LARP7: variants seen among roughly 807,000 people sequenced by gnomAD.
LARP7 encodes the protein la-related protein 7.
Under a neutral mutation model 69.3 loss-of-function variants are expected in LARP7, and 52 were observed. That is an observed-to-expected ratio of 0.75 (90% CI 0.60 to 0.95). The LOEUF is 0.95. LARP7 is among the 40% of genes least tolerant of loss of function. LARP7 has a pLI of 0.00. For synonymous variants in LARP7, 254 were observed against 215.9 expected (o/e 1.18, Z -1.55); for missense variants, 733 against 673.0 (o/e 1.09, Z -0.99).
chr4:112,638,406 CTA>C (rs1205645491), intron 1 of LARP7, among the ~76,000 whole-genome samples: 1 of 152,182 alleles, frequency 6.6e-6, no homozygotes, highest in Non-Finnish European at 1.5e-5. Flanking sequence ...TCCAAGTTAT[CTA>C]TGTCTTTCGT....
At chr4:112,647,012 G>C in intron 5 of LARP7, 22 bp from the exon 6 acceptor site, 1 of 1,584,192 alleles carries the variant, frequency 6.3e-7, no homozygotes, top group Non-Finnish European at 8.5e-7. Context: ...TATTAAAATA[G>C]TAACTTTTGC....
chr4:112,646,375 C>A lies in LARP7; in HGVS notation c.227C>A (p.Ser76Tyr). Reference sequence around the variant, plus strand: ...GATGTTGATATATCACTACTTGTGTCTTTTAACAAAATGAAAAAATTGACT... The same window carrying A: ...GATGTTGATATATCACTACTTGTGTATTTTAACAAAATGAAAAAATTGACT... ...DGYVDISLLV[S>Y]FNKMKKLTTD... Residue 76 changes from serine to tyrosine, a missense_variant, in exon 3 of 13, where the codon TCT becomes TAT. Physicochemically the swap from Ser to Tyr is moderately radical, Grantham distance 144. Coordinates refer to ENST00000344442, the MANE Select transcript of LARP7 (RefSeq NM_016648.4). 1.3e-6 allele frequency: 2 copies of A among 1,570,256 alleles called. No individual in the cohort carries two copies. Among genetic ancestry groups the A allele is most frequent in the East Asian group, 2.3e-5 (1 of 44,356 alleles).
chr4:112,648,421 A>AAGGGGATCCCC (rs1412277150), intron 8 of LARP7: 1 of 534,548 alleles, frequency 1.9e-6, no homozygotes, highest in Non-Finnish European at 3.8e-6. Flanking sequence ...CCCCCATGTT[A>AAGGGGATCCCC]AAGCAAAGGG....
At chr4:112,645,041 G>T (rs990657719) in intron 2 of LARP7, among the ~76,000 whole-genome samples, 170 bp downstream of exon 2, 6 of 139,252 alleles carry the variant, frequency 4.3e-5, no homozygotes, top group African/African-American at 1.6e-4. Context: ...CTGCCTCCTG[G>T]GTTCAAGTGA....
chr4:112,638,103 C>G (rs1413015930), intron 1 of LARP7: 1 of 152,306 alleles, frequency 6.6e-6, no homozygotes, highest in Non-Finnish European at 1.5e-5. Flanking sequence ...CGAGACCAGC[C>G]TGGCCAATAT....
intron 2 of LARP7, among the ~76,000 whole-genome samples, chr4:112,646,008 TG>T (rs946431780): frequency 2.0e-5 from 3 of 151,094 alleles, no homozygotes; most frequent in African/African-American, 7.3e-5. Flanking sequence ...TTTTTTTGTT[TG>T]TTTTGTTTGA....
At chr4:112,653,968 A>T in intron 11 of LARP7, 100 bp from the exon 12 acceptor site, 1 of 830,456 alleles carries the variant, frequency 1.2e-6, no homozygotes, top group South Asian at 1.5e-5. Flanking sequence ...ATATAATCAA[A>T]AACTGTCCTA....
rs2048669055 is a variant in LARP7 at position 112,650,409 on chromosome 4, T to C, written c.1295-52T>C. Reference sequence around the variant, plus strand: ...TAAGGTAGTCCTCCTAAGTATTAAATTGTTGTTAAGTGTAAGAGATTTAGT... The same window carrying C: ...TAAGGTAGTCCTCCTAAGTATTAAACTGTTGTTAAGTGTAAGAGATTTAGT... On this transcript the variant is annotated intron_variant, in intron 9 of 12. Transcript: ENST00000344442. 8.2e-6 allele frequency: 13 copies of C among 1,585,750 alleles called. No homozygotes were observed. The South Asian group carries it at 1.5e-4, about 18-fold the overall frequency.
chr4:112,646,910 G>C lies in LARP7; in HGVS notation c.507G>C (p.Ala169=). Residue 169 remains alanine, a synonymous_variant, in exon 5 of 13, where the codon GCG becomes GCC. Coordinates refer to ENST00000344442, the MANE Select transcript of LARP7 (RefSeq NM_016648.4). The stretch of plus-strand genomic sequence containing the variant: ...CTACTGGAGATCCAAAGGGATTTGC[G>C]TTTGTGGAATTTGAAACAAAAGAAC... ...YKSTGDPKGF[A]FVEFETKEQA... 6.2e-7 allele frequency: 1 copy of C among 1,608,726 alleles called. No homozygotes were observed. Among genetic ancestry groups the C allele is most frequent in the Non-Finnish European group, 8.5e-7 (1 of 1,179,004 alleles).
At chr4:112,646,263 C>T (rs537735553) in intron 2 of LARP7, 88 bp from the exon 3 acceptor site, 24 of 642,108 alleles carry the variant, frequency 3.7e-5, no homozygotes, top group South Asian at 6.3e-5. Context: ...AGCCACCGAG[C>T]CTGAGGGCCT....
Position 112,647,374 on chromosome 4 carries a change from GAAA to G in LARP7, c.825_827del (p.Lys278del). 1 of 1,613,890 alleles carries G rather than the reference GAAA, an allele frequency of 6.2e-7. No individual in the cohort carries two copies. The highest frequency in any genetic ancestry group is 1.1e-5 in the South Asian group (1 of 91,074). On this transcript the variant is annotated inframe_deletion, in exon 7 of 13. Transcript: ENST00000344442. Reference sequence around the variant, plus strand: ...CTGAACCCCAAAAGCAGTGCTCAAAGAAAAAGAAAAAACGGGACAGAGTTGAAG... The same window carrying G: ...CTGAACCCCAAAAGCAGTGCTCAAAGAAGAAAAAACGGGACAGAGTTGAAG...
intron 1 of LARP7, chr4:112,644,465 A>G: frequency 3.3e-6 from 4 of 1,196,152 alleles, no homozygotes; most frequent in Non-Finnish European, 3.3e-6. Context: ...AAAGAAACTA[A>G]AGCTATGATC....
In LARP7 at chr4:112,649,650, G is replaced by A. The variant is rs2048611283; in HGVS notation, c.1258G>A (p.Gly420Arg). 3 of 1,606,318 alleles carry A rather than the reference G, an allele frequency of 1.9e-6. No individual in the cohort carries two copies. The highest frequency in any genetic ancestry group is 2.2e-5 in the South Asian group (2 of 90,158). The stretch of plus-strand genomic sequence containing the variant: ...AGAGTCAGAAATGGAAACAGACAGT[G>A]GAGTACCTCAAAACACTGGAATGAA... ...KSESEMETDS[G>R]VPQNTGMKNE... Residue 420 changes from glycine to arginine, a missense_variant, in exon 9 of 13, where the codon GGA becomes AGA. Physicochemically the swap from Gly to Arg is moderately radical, Grantham distance 125. Coordinates refer to ENST00000344442, the MANE Select transcript of LARP7 (RefSeq NM_016648.4).
intron 8 of LARP7, 67 bp downstream of exon 8, chr4:112,647,901 A>G: frequency 8.8e-7 from 1 of 1,134,534 alleles, no homozygotes; most frequent in Non-Finnish European, 1.3e-6. Context: ...GTGCAATTCC[A>G]ATTTATATTC....
Position 112,642,272 on chromosome 4 carries a change from A to G in LARP7, c.-2-2396A>G, listed in dbSNP as rs945832705. ...GAAGAACATGGTTGTGTGGTACTCA[A>G]TGACACCTCATTGTTTTTCTATTAT... On this transcript the variant is annotated intron_variant, in intron 1 of 12. Coordinates refer to ENST00000344442, the MANE Select transcript of LARP7 (RefSeq NM_016648.4). 4.6e-5 allele frequency among the ~76,000 whole-genome samples: 7 copies of G among 152,312 alleles called. No homozygotes were observed. The South Asian group carries it at 8.3e-4, about 18-fold the overall frequency.
intron 1 of LARP7, among the ~76,000 whole-genome samples, chr4:112,640,704 T>A (rs900287276): frequency 2.0e-5 from 3 of 151,886 alleles, no homozygotes; most frequent in Admixed American, 6.6e-5. Flanking sequence ...AATAAATAAT[T>A]AAAAATAAAA....
intron 1 of LARP7, among the ~76,000 whole-genome samples, chr4:112,639,816 T>G (rs571097319): frequency 1.2e-3 from 187 of 152,236 alleles, no homozygotes; most frequent in African/African-American, 4.4e-3. Context: ...AACAAGAGAT[T>G]GGATAGAATA....
chr4:112,646,871 A>T lies in LARP7; in HGVS notation c.468A>T (p.Ile156=), dbSNP rs766268120. 1.2e-6 allele frequency: 2 copies of T among 1,609,122 alleles called. No individual in the cohort carries two copies. Among genetic ancestry groups the T allele is most frequent in the Non-Finnish European group, 1.7e-6 (2 of 1,178,798 alleles). Residue 156 remains isoleucine (I), a synonymous_variant, in exon 5 of 13, where the codon ATA becomes ATT. Coordinates refer to ENST00000344442, the MANE Select transcript of LARP7 (RefSeq NM_016648.4). ...GTGGCAATGTTGTTTATATAAGTAT[A>T]CCACATTATAAGTCTACTGGAGATC... ...GKCGNVVYIS[I]PHYKSTGDPK... is the part of the protein sequence containing the mutation.
chr4:112,647,327 G>T lies in LARP7; in HGVS notation c.775G>T (p.Glu259Ter). The change falls in exon 7 of 13, where the codon GAG (glutamate) becomes TAG (stop). Residue 259 changes from glutamate (E) to a stop codon, truncating the protein, a stop_gained. Coordinates refer to ENST00000344442, the MANE Select transcript of LARP7 (RefSeq NM_016648.4). LOFTEE classifies it high-confidence loss of function. ...AATGAAAAGATCCAGACCCACATCT[G>T]AGGGCTCTGACATTGAGTCCACTGA... ...SKMKRSRPTS[E>*]GSDIESTEPQ... 2 of 1,614,062 alleles carry T rather than the reference G, an allele frequency of 1.2e-6. No individual in the cohort carries two copies. The highest frequency in any genetic ancestry group is 1.7e-6 in the Non-Finnish European group (2 of 1,180,010).
Sources: allele counts gnomAD v4.1 joint callset (sites outside exome capture counted in the v4.1 genomes callset), GRCh38; gene constraint gnomAD v4.1.1; transcripts MANE v1.5; gene names NCBI Gene and HGNC (gene_info 2026-07-23, HGNC 2026-07-21).